SIAE: variants seen among roughly 807,000 people sequenced by gnomAD.
The protein encoded by SIAE is sialic acid acetylesterase.
Under a neutral mutation model 52.6 loss-of-function variants are expected in SIAE, and 39 were observed. The ratio of observed to expected loss-of-function variants is 0.74; its 90% confidence interval spans 0.57 to 0.97. The LOEUF (loss-of-function observed/expected upper bound fraction) is 0.97. Among genes scored for constraint, SIAE ranks in the 50% least tolerant of loss-of-function variants. The pLI, the probability that SIAE is intolerant of heterozygous loss-of-function variation, is 0.00. For synonymous variants in SIAE, 233 were observed against 241.4 expected (o/e 0.97, Z 0.32); for missense variants, 592 against 662.1 (o/e 0.89, Z 1.16).
At chr11:124,665,843 A>G (rs1244169786) in intron 2 of SIAE, among the ~76,000 whole-genome samples, 1 of 152,114 alleles carries the variant, frequency 6.6e-6, no homozygotes, top group African/African-American at 2.4e-5. Flanking sequence ...GAAAAGAAAA[A>G]AAGAAAATTG....
In SIAE at chr11:124,645,369, A is replaced by G. The variant is rs1016540705; in HGVS notation, c.966+1996T>C. Reference sequence around the variant, plus strand: ...CGCTCTTATTGCCCAGGCTGAGTGCAATGCTCACCACAATCTACGCCTCCT... The same window carrying G: ...CGCTCTTATTGCCCAGGCTGAGTGCGATGCTCACCACAATCTACGCCTCCT... On this transcript the variant is annotated intron_variant, in intron 7 of 9. Coordinates refer to ENST00000263593, the MANE Select transcript of SIAE (RefSeq NM_170601.5). The surrounding 1 kb of genome is among the most constrained non-coding windows in gnomAD (Gnocchi z 4.7). Among the ~76,000 whole-genome samples, 1 of 150,960 alleles carries G rather than the reference A, an allele frequency of 6.6e-6. No individual in the cohort carries two copies. Among genetic ancestry groups the G allele is most frequent in the Non-Finnish European group, 1.5e-5 (1 of 67,588 alleles).
At chr11:124,664,918 C>G (rs1044446644) in intron 2 of SIAE, among the ~76,000 whole-genome samples, 22 of 145,840 alleles carry the variant, frequency 1.5e-4, no homozygotes, top group Admixed American at 6.2e-4. Flanking sequence ...TCCTCACTGG[C>G]TGCAAAGTGG....
intron 3 of SIAE, chr11:124,660,359 G>A (rs1181311010): frequency 4.6e-6 from 2 of 433,316 alleles, no homozygotes; most frequent in African/African-American, 2.0e-5. Flanking sequence ...TTTGGAGAAA[G>A]TGCTAGAGAA....
In SIAE at chr11:124,649,774, G is replaced by A; in HGVS notation, c.567C>T (p.Phe189=). ...GCCAGCACACTGCTGACATGTACTT[G>A]AAATATCCATGGCCTAAGTTTTCTG... ...PTSENLGHGY[F]KYMSAVCWLF... Residue 189 remains phenylalanine (F), a synonymous_variant, in exon 5 of 10, where the codon TTC becomes TTT. Coordinates refer to ENST00000263593, the MANE Select transcript of SIAE (RefSeq NM_170601.5). 1.9e-6 allele frequency: 3 copies of A among 1,614,166 alleles called. No individual in the cohort carries two copies. Among genetic ancestry groups the A allele is most frequent in the Non-Finnish European group, 2.5e-6 (3 of 1,180,014 alleles).
chr11:124,638,763 A>G, intron 8 of SIAE, 26 bp from the exon 9 acceptor site: 1 of 1,603,792 alleles, frequency 6.2e-7, no homozygotes, highest in Non-Finnish European at 8.5e-7. Context: ...CAAGTAGAGA[A>G]CTTTGGGTTT....
chr11:124,669,540 A>G lies in SIAE; in HGVS notation c.68-19T>C, dbSNP rs1473274840. 1 of 1,609,710 alleles carries G rather than the reference A, an allele frequency of 6.2e-7. No homozygotes were observed. Among genetic ancestry groups the G allele is most frequent in the Non-Finnish European group, 8.5e-7 (1 of 1,178,512 alleles). Reference sequence around the variant, plus strand: ...CCAATACCTAAAAAATTTAACAAACACTGAGGGAAGCATCATCGGAGAGAT... The same window carrying G: ...CCAATACCTAAAAAATTTAACAAACGCTGAGGGAAGCATCATCGGAGAGAT... On this transcript the variant is annotated intron_variant, in intron 1 of 9. Coordinates refer to ENST00000263593, the MANE Select transcript of SIAE (RefSeq NM_170601.5).
At chr11:124,666,134 A>G (rs1943271084) in intron 2 of SIAE, among the ~76,000 whole-genome samples, 1 of 152,180 alleles carries the variant, frequency 6.6e-6, no homozygotes, top group Admixed American at 6.5e-5. Flanking sequence ...ATCATCCCTC[A>G]GGTATTAATT....
chr11:124,651,960 C>G (rs140569675), intron 4 of SIAE, among the ~76,000 whole-genome samples: 2 of 152,118 alleles, frequency 1.3e-5, no homozygotes, highest in Non-Finnish European at 2.9e-5. Context: ...AAGCCTTAAA[C>G]CAGCAACAGG....
At chr11:124,643,379 C>T (rs7937294) in intron 7 of SIAE, among the ~76,000 whole-genome samples, 19,972 of 151,884 alleles carry the variant, frequency 0.13, 3,354 homozygotes, top group African/African-American at 0.39. Flanking sequence ...CCTTCCGACC[C>T]GACTTACACT....
Position 124,653,566 on chromosome 11 carries a change from A to C in SIAE, c.544+1089T>G, listed in dbSNP as rs74551198. On this transcript the variant is annotated intron_variant, in intron 4 of 9. Transcript: ENST00000263593. ...TGCGGCAAAGGTCTCTAGGTTTATC[A>C]TTAGAAGAATGATAGTAACATCAAG... Among the ~76,000 whole-genome samples, 1,349 of 152,296 alleles carry C rather than the reference A, an allele frequency of 8.9e-3. 24 individuals carry two copies. The East Asian group carries it at 0.091, about 10-fold the overall frequency.
chr11:124,673,001 T>C (rs1479928156), intron 1 of SIAE, among the ~76,000 whole-genome samples: 1 of 152,158 alleles, frequency 6.6e-6, no homozygotes, highest in Non-Finnish European at 1.5e-5. Flanking sequence ...GGTATTCGAA[T>C]GGCAAGATCT....
intron 2 of SIAE, among the ~76,000 whole-genome samples, chr11:124,664,224 T>C (rs1253227613): frequency 6.6e-6 from 1 of 151,630 alleles, no homozygotes; most frequent in South Asian, 2.1e-4. Context: ...TTAGCATTTC[T>C]GGTAGCCTAT....
chr11:124,665,879 A>AG (rs1943266689), intron 2 of SIAE, among the ~76,000 whole-genome samples: 1 of 152,154 alleles, frequency 6.6e-6, no homozygotes, highest in African/African-American at 2.4e-5. Context: ...AGGGGCAGGG[A>AG]GGGTTTTAGG....
chr11:124,672,875 C>T (rs1053679522), intron 1 of SIAE, among the ~76,000 whole-genome samples: 1 of 152,200 alleles, frequency 6.6e-6, no homozygotes, highest in Non-Finnish European at 1.5e-5. Context: ...CTGGGGTCCA[C>T]TCTTTGAGTG....
At chr11:124,650,937 A>C (rs982003764) in intron 4 of SIAE, among the ~76,000 whole-genome samples, 16 of 152,198 alleles carry the variant, frequency 1.1e-4, no homozygotes, top group African/African-American at 3.9e-4. Flanking sequence ...CATTCATCCA[A>C]TTACACTGCC....
chr11:124,656,658 T>A (rs1353916940), intron 3 of SIAE, among the ~76,000 whole-genome samples: 1 of 123,252 alleles, frequency 8.1e-6, no homozygotes, highest in Non-Finnish European at 1.5e-5. Flanking sequence ...TTTTTAGTTA[T>A]TTTTTTATTT....
In SIAE at chr11:124,633,764, T is replaced by C. The variant is rs939527178; in HGVS notation, c.*3187A>G. The C allele has an allele frequency of 1.4e-4, 22 of 152,268 alleles. No homozygotes were observed. The highest frequency in any genetic ancestry group is 5.3e-4 in the African/African-American group (22 of 41,468). 9.4% of individuals were successfully genotyped at this position (152,268 alleles called of 1,614,324 possible). A position where few individuals can be genotyped will look rare whatever the true frequency, so the allele number is the denominator to read the frequency against. Reference sequence around the variant, plus strand: ...TGTTAATGCAGTGTTTTTCTTTTTTTCTCTGCATAAATGGCTTGAGCATAC... The same window carrying C: ...TGTTAATGCAGTGTTTTTCTTTTTTCCTCTGCATAAATGGCTTGAGCATAC... On this transcript the variant is annotated 3_prime_UTR_variant, in exon 10 of 10. Coordinates refer to ENST00000263593, the MANE Select transcript of SIAE (RefSeq NM_170601.5).
upstream of SIAE, chr11:124,674,983 T>C (rs972764412): frequency 2.0e-5 from 5 of 244,742 alleles, no homozygotes; most frequent in Middle Eastern, 1.3e-3. Context: ...AGAGAAAAAG[T>C]CATATTGAAA....
At chr11:124,665,163 T>A (rs1315737267) in intron 2 of SIAE, among the ~76,000 whole-genome samples, 1 of 152,212 alleles carries the variant, frequency 6.6e-6, no homozygotes, top group East Asian at 1.9e-4. Flanking sequence ...AGTCACATGC[T>A]TGTGTGGCTG....
Sources: allele counts gnomAD v4.1 joint callset (sites outside exome capture counted in the v4.1 genomes callset), GRCh38; gene constraint gnomAD v4.1.1; non-coding constraint Gnocchi (gnomAD v3.1); transcripts MANE v1.5; gene names NCBI Gene and HGNC (gene_info 2026-07-23, HGNC 2026-07-21).